The following PTPRN2 variants were observed in gnomAD, a reference collection of about 807,000 sequenced individuals.
The protein encoded by PTPRN2 is protein tyrosine phosphatase receptor type N2.
Under a neutral mutation model 118.8 loss-of-function variants are expected in PTPRN2, and 74 were observed. The observed-to-expected ratio is 0.62, with a 90% confidence interval of 0.52 to 0.76. The LOEUF (loss-of-function observed/expected upper bound fraction) is 0.76, where lower values mean the gene tolerates loss of function less well. PTPRN2 is among the 30% of genes least tolerant of loss of function. PTPRN2 has a pLI of 0.00. For synonymous variants in PTPRN2, 641 were observed against 608.0 expected, an observed-to-expected ratio of 1.05 and a Z score of -0.80; for missense variants, 1,481 against 1,394.4, an observed-to-expected ratio of 1.06 and a Z score of -0.99.
chr7:157,793,381 G>T (rs10277291), intron 12 of PTPRN2, among the ~76,000 whole-genome samples: 28,941 of 152,190 alleles, frequency 0.19, 5,148 homozygotes, highest in African/African-American at 0.47. Context: ...TGGACCCCCT[G>T]TGTACCCTGT....
intron 6 of PTPRN2, among the ~76,000 whole-genome samples, chr7:158,149,775 G>C (rs923878544): frequency 6.7e-6 from 1 of 148,970 alleles, no homozygotes; most frequent in Admixed American, 6.8e-5. Flanking sequence ...TTGCACTCCA[G>C]CCTGAGTGAC....
At chr7:157,708,797 C>T (rs1798456834) in intron 12 of PTPRN2, among the ~76,000 whole-genome samples, 1 of 152,166 alleles carries the variant, frequency 6.6e-6, no homozygotes, top group Non-Finnish European at 1.5e-5. Flanking sequence ...GCTATAATCA[C>T]CCACAGGTCC....
At chr7:157,994,595 TGCCGCGTCCC>T (rs1804541158) in intron 11 of PTPRN2, among the ~76,000 whole-genome samples, 2 of 72,846 alleles carry the variant, frequency 2.7e-5, no homozygotes, top group African/African-American at 8.0e-5. Flanking sequence ...CCTAAATCAA[TGCCGCGTCCC>T]CAGCTTACAA....
intron 12 of PTPRN2, among the ~76,000 whole-genome samples, chr7:157,806,188 C>T (rs12113944): frequency 0.23 from 34,792 of 151,938 alleles, 5,548 homozygotes; most frequent in African/African-American, 0.45. Flanking sequence ...ATTTACATCA[C>T]ACTTACTGGT....
chr7:157,900,142 G>C (rs1030481786), intron 11 of PTPRN2, among the ~76,000 whole-genome samples: 3 of 152,222 alleles, frequency 2.0e-5, no homozygotes, highest in African/African-American at 7.2e-5. Context: ...CCAGCCCATA[G>C]TAATGAGAAA....
At chr7:157,979,695 C>T (rs1389493451) in intron 11 of PTPRN2, among the ~76,000 whole-genome samples, 1 of 152,206 alleles carries the variant, frequency 6.6e-6, no homozygotes, top group African/African-American at 2.4e-5. Flanking sequence ...TGGCTGACAA[C>T]GCCTGCTTAT....
intron 2 of PTPRN2, among the ~76,000 whole-genome samples, chr7:158,459,382 G>C (rs1472462569): frequency 6.7e-6 from 1 of 149,714 alleles, no homozygotes; most frequent in African/African-American, 2.5e-5. Flanking sequence ...GGACGAACGG[G>C]CTCCAGAATC....
At chr7:158,501,223 G>T (rs1042710906) in intron 1 of PTPRN2, among the ~76,000 whole-genome samples, 1 of 152,220 alleles carries the variant, frequency 6.6e-6, no homozygotes, top group Admixed American at 6.5e-5. Context: ...CTCCTTCCTG[G>T]AAGGAAAGAT....
At chr7:158,143,271 G>C (rs73514433) in intron 6 of PTPRN2, among the ~76,000 whole-genome samples, 93 of 152,320 alleles carry the variant, frequency 6.1e-4, no homozygotes, top group African/African-American at 2.1e-3. Context: ...AGTTCTGAAG[G>C]GTCCCGGGCT....
rs1320059411 is a variant in PTPRN2, at chr7:157,629,029, C to T, written c.2197-7520G>A. ...CGGTGGGAAGAGCACACCAGCATCC[C>T]GTGTGCATCTGATGCAGGACCCGCT... is the stretch of plus-strand genomic sequence containing the variant. On this transcript the variant is annotated intron_variant, in intron 14 of 22. Transcript: ENST00000389418. The surrounding 1 kb of genome is among the most constrained non-coding windows in gnomAD (Gnocchi z 4.4). Among the ~76,000 whole-genome samples the T allele has an allele frequency of 1.3e-5, 2 of 152,138 alleles. No individual in the cohort carries two copies. The highest frequency in any genetic ancestry group is 2.4e-5 in the African/African-American group (1 of 41,430).
intron 2 of PTPRN2, among the ~76,000 whole-genome samples, chr7:158,391,806 AG>A (rs918749617): frequency 6.6e-6 from 1 of 152,174 alleles, no homozygotes; most frequent in Non-Finnish European, 1.5e-5. Context: ...GGGGGAGGAA[AG>A]GAGCTGCACC....
chr7:157,999,855 C>T (rs1210706378), intron 11 of PTPRN2, among the ~76,000 whole-genome samples: 2 of 151,958 alleles, frequency 1.3e-5, no homozygotes, highest in African/African-American at 2.4e-5. Context: ...GAACTTTGGC[C>T]TCTGGTTTTT....
chr7:157,838,153 C>G (rs570841416), intron 12 of PTPRN2, among the ~76,000 whole-genome samples: 46 of 149,790 alleles, frequency 3.1e-4, no homozygotes, highest in Middle Eastern at 3.6e-3. Context: ...GAAAGCTCCT[C>G]TCCACTATGC....
chr7:158,097,649 G>A (rs1814742994), intron 10 of PTPRN2, among the ~76,000 whole-genome samples: 1 of 152,176 alleles, frequency 6.6e-6, no homozygotes, highest in South Asian at 2.1e-4. Flanking sequence ...AGATTCCGCG[G>A]AAGGCGGCCT....
At chr7:157,969,340 G>A (rs1802159892) in intron 11 of PTPRN2, among the ~76,000 whole-genome samples, 1 of 152,068 alleles carries the variant, frequency 6.6e-6, no homozygotes, top group African/African-American at 2.4e-5. Context: ...AAACTCCTAA[G>A]CTCAAGTGAT....
intron 2 of PTPRN2, among the ~76,000 whole-genome samples, chr7:158,345,105 C>G (rs1263397153): frequency 6.6e-6 from 1 of 152,160 alleles, no homozygotes; most frequent in Non-Finnish European, 1.5e-5. Context: ...GACCCTGCTG[C>G]CTGGGAGCAG....
chr7:158,251,146 A>C (rs1563039401), intron 3 of PTPRN2, among the ~76,000 whole-genome samples: 1 of 152,186 alleles, frequency 6.6e-6, no homozygotes, highest in Non-Finnish European at 1.5e-5. Context: ...GCTCTCAAGA[A>C]CCACACAGCA....
intron 1 of PTPRN2, among the ~76,000 whole-genome samples, chr7:158,490,172 C>T (rs1316534876): frequency 1.3e-5 from 2 of 152,218 alleles, no homozygotes; most frequent in Non-Finnish European, 2.9e-5. Flanking sequence ...CACCGCGTCC[C>T]TGGAAGCAAG....
rs951561093 is a variant in PTPRN2, at chr7:157,990,599, C to A, written c.1723+90699G>T. The stretch of plus-strand genomic sequence containing the variant: ...GAGGAGACATCGGTGGATGGGGGAG[C>A]AGGGCAGGCTGGGGGTCAGGGCTCA... On this transcript the variant is annotated intron_variant, in intron 11 of 22. Coordinates refer to ENST00000389418, the MANE Select transcript of PTPRN2 (RefSeq NM_002847.5). The surrounding 1 kb of genome is among the most constrained non-coding windows in gnomAD (Gnocchi z 4.3). Among the ~76,000 whole-genome samples the A allele has an allele frequency of 3.9e-5, 6 of 152,110 alleles. No individual in the cohort carries two copies. Among genetic ancestry groups the A allele is most frequent in the Non-Finnish European group, 8.8e-5 (6 of 68,012 alleles).
Sources: gnomAD v4.1 joint callset for allele counts (sites outside exome capture counted in the v4.1 genomes callset) on GRCh38, gnomAD v4.1.1 for gene constraint, Gnocchi (gnomAD v3.1) non-coding constraint, MANE v1.5 for transcripts, NCBI Gene and HGNC (gene_info 2026-07-23, HGNC 2026-07-21) for gene names.